SLC12A8: variants seen among roughly 807,000 people sequenced by gnomAD.
SLC12A8 encodes cation-chloride cotransporter 9.
A neutral mutation model predicts 75.6 loss-of-function variants in SLC12A8; 69 were observed. The ratio of observed to expected loss-of-function variants is 0.91; its 90% CI spans 0.75 to 1.11. The LOEUF is 1.11. SLC12A8 is among the 50% of genes most tolerant of loss of function. The pLI is 0.00. For synonymous variants in SLC12A8, 365 were observed against 372.8 expected (o/e 0.98, Z 0.24); for missense variants, 877 against 896.7 (o/e 0.98, Z 0.28).
intron 2 of SLC12A8, among the ~76,000 whole-genome samples, chr3:125,205,084 C>T (rs577470970): frequency 1.3e-4 from 20 of 152,194 alleles, no homozygotes; most frequent in African/African-American, 4.1e-4. Context: ...GCCAGACACC[C>T]GGCAACCAGA....
chr3:125,153,527 C>G (rs537860496), intron 5 of SLC12A8, among the ~76,000 whole-genome samples: 1 of 152,360 alleles, frequency 6.6e-6, no homozygotes, highest in South Asian at 2.1e-4. Context: ...ATCTCCCATG[C>G]TGGGAAGTAC....
At chr3:125,155,742 C>G (rs1251675912) in intron 5 of SLC12A8, among the ~76,000 whole-genome samples, 2 of 126,792 alleles carry the variant, frequency 1.6e-5, no homozygotes, top group Admixed American at 1.7e-4. Flanking sequence ...CACAGCGAGA[C>G]TCTGTCTCAA....
rs767190419 is a variant in SLC12A8, at chr3:125,110,185, T to C, written c.1059+4A>G. On this transcript the variant is annotated splice_donor_region_variant and intron_variant, in intron 9 of 13. Coordinates refer to ENST00000469902, the MANE Select transcript of SLC12A8 (RefSeq NM_024628.6). ...AAACAAACCAAAAAAAGAGGATTAC[T>C]CACCCCTTGTCCCAGACAGGCAAGT... is the stretch of plus-strand genomic sequence containing the variant. 6.4e-5 allele frequency: 103 copies of C among 1,608,746 alleles called. 1 individual carries two copies. The East Asian group carries it at 2.3e-3, about 35-fold the overall frequency.
chr3:125,205,158 G>A (rs989579428), intron 2 of SLC12A8, among the ~76,000 whole-genome samples: 6 of 152,078 alleles, frequency 3.9e-5, no homozygotes, highest in East Asian at 1.9e-4. Flanking sequence ...GCTGTCCACC[G>A]TGCCCTGCCT....
chr3:125,207,915 G>C (rs1047111923), intron 2 of SLC12A8, among the ~76,000 whole-genome samples: 1 of 152,216 alleles, frequency 6.6e-6, no homozygotes, highest in Admixed American at 6.5e-5. Context: ...TCATGAGAGA[G>C]GCACTGGCCC....
At chr3:125,125,225 C>T (rs2981515) in intron 6 of SLC12A8, among the ~76,000 whole-genome samples, 19,105 of 151,352 alleles carry the variant, frequency 0.13, 1,533 homozygotes, top group Admixed American at 0.17. Flanking sequence ...TATTTGGTCT[C>T]GACACTTTTC....
intron 5 of SLC12A8, among the ~76,000 whole-genome samples, chr3:125,172,231 G>A (rs565347110): frequency 3.3e-5 from 5 of 150,176 alleles, no homozygotes; most frequent in East Asian, 1.9e-4. Context: ...CTGAGATCCC[G>A]CCACTGCACT....
chr3:125,199,361 G>T (rs887238274), intron 2 of SLC12A8, among the ~76,000 whole-genome samples: 1 of 152,126 alleles, frequency 6.6e-6, no homozygotes, highest in Non-Finnish European at 1.5e-5. Flanking sequence ...CAACTTTTCT[G>T]TAAGTGTAAA....
intron 2 of SLC12A8, among the ~76,000 whole-genome samples, chr3:125,208,627 A>G (rs915891876): frequency 6.6e-6 from 1 of 151,906 alleles, no homozygotes; most frequent in Non-Finnish European, 1.5e-5. Context: ...AACTTGTTCA[A>G]GGTCACAAAG....
chr3:125,205,741 C>T (rs1031269693), intron 2 of SLC12A8, among the ~76,000 whole-genome samples: 16 of 152,134 alleles, frequency 1.1e-4, no homozygotes, highest in Non-Finnish European at 1.9e-4. Flanking sequence ...AGCCTTAGGA[C>T]GCATCATTTG....
At chr3:125,198,781 T>A (rs981277444) in intron 2 of SLC12A8, among the ~76,000 whole-genome samples, 2 of 32,672 alleles carry the variant, frequency 6.1e-5, no homozygotes, top group African/African-American at 2.0e-4. Context: ...GACAATAGGA[T>A]TTTTTTTTTT....
At chr3:125,196,043 GCTTC>G (rs1179908962) in intron 2 of SLC12A8, among the ~76,000 whole-genome samples, 1 of 152,202 alleles carries the variant, frequency 6.6e-6, no homozygotes, top group Non-Finnish European at 1.5e-5. Context: ...CATTCCAGGT[GCTTC>G]AGTGGATCAG....
intron 5 of SLC12A8, among the ~76,000 whole-genome samples, chr3:125,137,931 GCTCACGCTCACA>G (rs1248332367): frequency 2.1e-4 from 31 of 146,202 alleles, no homozygotes; most frequent in African/African-American, 4.6e-4. Context: ...ACGCTCACAC[GCTCACGCTCACA>G]CTCACGCTCA....
chr3:125,127,923 T>C (rs1244534581), intron 6 of SLC12A8, among the ~76,000 whole-genome samples: 4 of 152,116 alleles, frequency 2.6e-5, no homozygotes, highest in Non-Finnish European at 5.9e-5. Context: ...TGTCGCCAGA[T>C]TGGAGTGCAG....
At chr3:125,177,330 TG>T (rs1934555581) in intron 5 of SLC12A8, among the ~76,000 whole-genome samples, 2 of 44,592 alleles carry the variant, frequency 4.5e-5, no homozygotes. Flanking sequence ...TGTTGTGGGG[TG>T]GGGGGAGGGG....
intron 5 of SLC12A8, among the ~76,000 whole-genome samples, chr3:125,151,994 C>A (rs1371001043): frequency 6.6e-6 from 1 of 152,182 alleles, no homozygotes; most frequent in Non-Finnish European, 1.5e-5. Flanking sequence ...TAGGTGATTT[C>A]CCCAAGGTCA....
At chr3:125,147,577 C>T (rs1338003181) in intron 5 of SLC12A8, among the ~76,000 whole-genome samples, 4 of 152,216 alleles carry the variant, frequency 2.6e-5, no homozygotes, top group Admixed American at 6.5e-5. Context: ...ATCCCCTCCT[C>T]ATCCGCAGGT....
At chr3:125,100,079 C>T (rs1222248139) in intron 10 of SLC12A8, among the ~76,000 whole-genome samples, 1 of 151,882 alleles carries the variant, frequency 6.6e-6, no homozygotes, top group Non-Finnish European at 1.5e-5. Flanking sequence ...AACTTCAAGA[C>T]AAAAATGATC....
chr3:125,179,438 G>A (rs1179851398), intron 4 of SLC12A8, among the ~76,000 whole-genome samples: 1 of 152,144 alleles, frequency 6.6e-6, no homozygotes, highest in Non-Finnish European at 1.5e-5. Context: ...AGGTGCTCTG[G>A]GAAGCAGGCT....
Sources: allele counts gnomAD v4.1 joint callset (sites outside exome capture counted in the v4.1 genomes callset), GRCh38; gene constraint gnomAD v4.1.1; transcripts MANE v1.5; gene names NCBI Gene and HGNC (gene_info 2026-07-23, HGNC 2026-07-21).